RBBP8: variants seen among roughly 807,000 people sequenced by gnomAD.
RBBP8 encodes RB binding protein 8, endonuclease, also known as DNA endonuclease RBBP8.
RBBP8 carries 88 observed loss-of-function variants against 108.3 expected under a neutral mutation model. That is an observed-to-expected ratio of 0.81 (90% CI 0.68 to 0.97). The LOEUF is 0.97. Among genes scored for constraint, RBBP8 ranks in the 50% least tolerant of loss-of-function variants. The pLI, the probability that RBBP8 is intolerant of heterozygous loss-of-function variation, is 0.00. For missense variants in RBBP8, 1,023 were observed against 1,049.0 expected, an observed-to-expected ratio of 0.98 and a Z score of 0.34; for synonymous variants, 332 against 348.2, an observed-to-expected ratio of 0.95 and a Z score of 0.52.
In RBBP8 at chr18:22,987,847, G is replaced by A. The variant is rs145408795; in HGVS notation, c.710-1374G>A. Among the ~76,000 whole-genome samples the A allele has an allele frequency of 3.9e-5, 6 of 152,230 alleles. No individual in the cohort carries two copies. In the East Asian group the frequency reaches 5.8e-4, roughly 15 times the overall value. Reference sequence around the variant, plus strand: ...AAATCCCAAACCTGTATCTCTGTCCGACTTTTTTCCTGGTTTCCCAACCAA... The same window carrying A: ...AAATCCCAAACCTGTATCTCTGTCCAACTTTTTTCCTGGTTTCCCAACCAA... On this transcript the variant is annotated intron_variant, in intron 8 of 18. Transcript: ENST00000327155.
At chr18:22,939,937 A>G (rs1292571509) in intron 2 of RBBP8, among the ~76,000 whole-genome samples, 1 of 152,146 alleles carries the variant, frequency 6.6e-6, no homozygotes, top group African/African-American at 2.4e-5. Context: ...GAATTTTCTG[A>G]GTAGAGAGAA....
At chr18:23,017,653 CA>C (rs201428129) in intron 17 of RBBP8, among the ~76,000 whole-genome samples, 5,027 of 96,840 alleles carry the variant, frequency 0.052, 140 homozygotes, top group East Asian at 0.12. Flanking sequence ...GACTCCGTCT[CA>C]AAAAAAAAAA....
At chr18:22,964,327 G>GT (rs1392829461) in intron 4 of RBBP8, among the ~76,000 whole-genome samples, 1 of 149,048 alleles carries the variant, frequency 6.7e-6, no homozygotes, top group African/African-American at 2.5e-5. Flanking sequence ...ATAATGATGA[G>GT]TTCTTTTGTA....
chr18:22,993,927 G>C, intron 12 of RBBP8, 80 bp downstream of exon 12: 1 of 1,417,630 alleles, frequency 7.1e-7, no homozygotes, highest in Non-Finnish European at 9.7e-7. Context: ...TAAATAGATT[G>C]AATTGTTTTG....
intron 16 of RBBP8, among the ~76,000 whole-genome samples, chr18:23,011,315 A>AT (rs1208291264): frequency 2.0e-5 from 3 of 152,072 alleles, no homozygotes; most frequent in Admixed American, 6.5e-5. Context: ...TGTCAGCGGC[A>AT]TTTTTCCAAC....
At chr18:22,963,110 C>G (rs1191941439) in intron 4 of RBBP8, among the ~76,000 whole-genome samples, 2 of 152,116 alleles carry the variant, frequency 1.3e-5, no homozygotes, top group Non-Finnish European at 2.9e-5. Flanking sequence ...TTCCAATTTC[C>G]CCTTCTTCAG....
intron 4 of RBBP8, among the ~76,000 whole-genome samples, chr18:22,968,280 C>T (rs1397253677): frequency 6.6e-6 from 1 of 151,914 alleles, no homozygotes; most frequent in African/African-American, 2.4e-5. Flanking sequence ...ACTGTATTGG[C>T]CAGGCTGGTC....
intron 4 of RBBP8, among the ~76,000 whole-genome samples, chr18:22,964,373 G>GTTTTT (rs71161350): frequency 1.4e-5 from 2 of 139,502 alleles, no homozygotes; most frequent in African/African-American, 2.6e-5. Context: ...GGAGACTTAG[G>GTTTTT]TTTTTTTTTT....
chr18:22,935,946 G>A (rs1910536528), intron 1 of RBBP8, among the ~76,000 whole-genome samples: 1 of 152,048 alleles, frequency 6.6e-6, no homozygotes, highest in African/African-American at 2.4e-5. Context: ...TTTTTGGAAA[G>A]TTATACAGAT....
chr18:22,918,641 T>C (rs1380537456), intron 3 of RBBP8, among the ~76,000 whole-genome samples: 1 of 152,214 alleles, frequency 6.6e-6, no homozygotes, highest in Non-Finnish European at 1.5e-5. Context: ...TTGTCTATTA[T>C]CTAACATGAC....
chr18:22,997,701 A>C lies in RBBP8; in HGVS notation c.2110A>C (p.Lys704Gln). 1 of 1,606,540 alleles carries C rather than the reference A, an allele frequency of 6.2e-7. No individual in the cohort carries two copies. The highest frequency in any genetic ancestry group is 8.5e-7 in the Non-Finnish European group (1 of 1,175,144). The change falls in exon 14 of 19, where the codon AAG (lysine) becomes CAG (glutamine). Residue 704 changes from lysine (K) to glutamine (Q), a missense_variant. Physicochemically the swap from Lys to Gln is moderately conservative, Grantham distance 53. Coordinates refer to ENST00000327155, the MANE Select transcript of RBBP8 (RefSeq NM_002894.3). ...TAGTGAAACCGTTCTCTTAAAAATG[A>C]AGAAGCAAGAGCAGAAGGGAGAAAA... ...LVSETVLLKM[K>Q]KQEQKGEKSS...
At chr18:22,972,274 A>T (rs1914153338) in intron 5 of RBBP8, among the ~76,000 whole-genome samples, 1 of 146,806 alleles carries the variant, frequency 6.8e-6, no homozygotes, top group African/African-American at 2.5e-5. Context: ...GAATTGCTTG[A>T]ACCCAGGAGG....
chr18:23,010,849 T>A (rs1196022520), intron 16 of RBBP8, among the ~76,000 whole-genome samples: 4 of 152,120 alleles, frequency 2.6e-5, no homozygotes, highest in Non-Finnish European at 5.9e-5. Flanking sequence ...ACAAGAAGCT[T>A]GTTTAAGTGA....
chr18:22,950,788 G>A (rs1438322892), intron 4 of RBBP8, among the ~76,000 whole-genome samples: 1 of 152,074 alleles, frequency 6.6e-6, no homozygotes, highest in African/African-American at 2.4e-5. Context: ...GCATGTGACT[G>A]GAGTCCTAGC....
chr18:23,013,563 A>G (rs1475093374), intron 16 of RBBP8, among the ~76,000 whole-genome samples: 3 of 152,214 alleles, frequency 2.0e-5, no homozygotes, highest in East Asian at 1.9e-4. Flanking sequence ...CTCTGTCTGC[A>G]TGACTCCACT....
At chr18:22,969,524 C>G (rs954932378) in intron 5 of RBBP8, among the ~76,000 whole-genome samples, 3 of 152,238 alleles carry the variant, frequency 2.0e-5, no homozygotes, top group Non-Finnish European at 4.4e-5. Flanking sequence ...TAATTATCTT[C>G]TTTTCCAAAC....
At chr18:22,970,715 C>G (rs531412777) in intron 5 of RBBP8, among the ~76,000 whole-genome samples, 37 of 151,852 alleles carry the variant, frequency 2.4e-4, no homozygotes, top group Non-Finnish European at 4.4e-4. Context: ...CTTAAATTGC[C>G]CTATTTGCTG....
intron 3 of RBBP8, among the ~76,000 whole-genome samples, chr18:22,919,504 A>G (rs989702985): frequency 1.4e-4 from 22 of 152,222 alleles, no homozygotes; most frequent in African/African-American, 5.3e-4. Flanking sequence ...GATGGTGTGC[A>G]GAAAGACAAA....
Position 23,002,313 on chromosome 18 carries a change from G to A in RBBP8, c.2287+584G>A, listed in dbSNP as rs191667991. 2.6e-3 allele frequency among the ~76,000 whole-genome samples: 390 copies of A among 152,282 alleles called. 7 individuals are homozygous for A. The highest frequency in any genetic ancestry group is 0.023 in the Admixed American group (355 of 15,290). ...GTCCCAGCTACTTGGGGGCTGGAGC[G>A]AGAAGATCGCTTGAACACCCAGGAG... On this transcript the variant is annotated intron_variant, in intron 15 of 18. Coordinates refer to ENST00000327155, the MANE Select transcript of RBBP8 (RefSeq NM_002894.3).
Sources: allele counts gnomAD v4.1 joint callset (sites outside exome capture counted in the v4.1 genomes callset), GRCh38; gene constraint gnomAD v4.1.1; transcripts MANE v1.5; gene names NCBI Gene and HGNC (gene_info 2026-07-23, HGNC 2026-07-21).